The following FAM76A variants were observed in gnomAD, a reference collection of about 807,000 sequenced individuals.
The protein encoded by FAM76A is family with sequence similarity 76 member A.
FAM76A carries 32 observed loss-of-function variants against 46.2 expected under a neutral mutation model. That is an observed-to-expected ratio of 0.69 (90% CI 0.52 to 0.93). The LOEUF (loss-of-function observed/expected upper bound fraction) is 0.93, where lower values mean the gene tolerates loss of function less well. FAM76A is among the 40% of genes least tolerant of loss of function. The pLI, the probability that FAM76A is intolerant of heterozygous loss-of-function variation, is 0.00. For missense variants in FAM76A, 274 were observed against 361.5 expected (o/e 0.76, Z 1.96); for synonymous variants, 137 against 127.0 (o/e 1.08, Z -0.53).
rs201384680 is a variant in FAM76A at position 27,744,612 on chromosome 1, G to A, written c.355-42G>A. The stretch of plus-strand genomic sequence containing the variant: ...CCAATACCACGTTTGCAGCCACTGC[G>A]CTAAATTCCCTCTTCTTTATCTTTG... On this transcript the variant is annotated intron_variant, in intron 4 of 8. Coordinates refer to ENST00000373954, the MANE Select transcript of FAM76A (RefSeq NM_152660.3). The A allele has an allele frequency of 4.7e-5, 76 of 1,606,950 alleles. 1 individual carries two copies. The Middle Eastern group carries it at 6.8e-4, about 14-fold the overall frequency.
Position 27,755,344 on chromosome 1 carries a change from A to G in FAM76A, c.735+14A>G, listed in dbSNP as rs2088392683. On this transcript the variant is annotated intron_variant, in intron 7 of 8. Coordinates refer to ENST00000373954, the MANE Select transcript of FAM76A (RefSeq NM_152660.3). ...AAAGAGAAGAAGGTATGGTTTAGTT[A>G]ATTCCTCTCTGACCAGAATGATGCG... The G allele has an allele frequency of 6.2e-7, 1 of 1,613,740 alleles. No individual in the cohort carries two copies. Among genetic ancestry groups the G allele is most frequent in the South Asian group, 1.1e-5 (1 of 91,072 alleles).
At chr1:27,726,229 G>A in intron 1 of FAM76A, 68 bp downstream of exon 1, 1 of 1,211,554 alleles carries the variant, frequency 8.3e-7, no homozygotes, top group African/African-American at 1.6e-5. Context: ...TCCAGATTCT[G>A]TGGGGACGCC....
intron 4 of FAM76A, chr1:27,740,606 C>CA (rs2088135193): frequency 4.0e-6 from 3 of 754,862 alleles, no homozygotes; most frequent in Non-Finnish European, 6.6e-6. Context: ...AGAAGCCACT[C>CA]AAAAACATTC....
intron 2 of FAM76A, among the ~76,000 whole-genome samples, chr1:27,728,210 C>G (rs1457714080): frequency 6.6e-6 from 1 of 152,002 alleles, no homozygotes; most frequent in Non-Finnish European, 1.5e-5. Context: ...AAACATGAGC[C>G]TCATGTTTCA....
rs774613464 is a variant in FAM76A, at chr1:27,759,594, G to A, written c.804G>A (p.Glu268=). 1.9e-6 allele frequency: 3 copies of A among 1,613,740 alleles called. No individual in the cohort carries two copies. The Admixed American group carries it at 5.0e-5, about 27-fold the overall frequency. ...TGAGAGCCAAAATGAACCAGATGGA[G>A]AAAACCCACAAAGAAGTCACAGAAC... ...SQMRAKMNQM[E]KTHKEVTEQL... is the part of the protein sequence containing the mutation. Residue 268 remains glutamate (E), a synonymous_variant, in exon 8 of 9, where the codon GAG becomes GAA. Coordinates refer to ENST00000373954, the MANE Select transcript of FAM76A (RefSeq NM_152660.3).
chr1:27,755,151 T>G (rs904115582), intron 6 of FAM76A, 44 bp from the exon 7 acceptor site: 2 of 1,608,870 alleles, frequency 1.2e-6, no homozygotes, highest in Admixed American at 1.7e-5. Flanking sequence ...GAGAAAAGTT[T>G]ATCCATCCAA....
At chr1:27,729,912 A>G (rs1433858880) in intron 2 of FAM76A, among the ~76,000 whole-genome samples, 1 of 152,146 alleles carries the variant, frequency 6.6e-6, no homozygotes, top group East Asian at 1.9e-4. Context: ...GCCCCATCCT[A>G]GACAATCCCC....
chr1:27,754,993 C>T (rs944351721), intron 6 of FAM76A, among the ~76,000 whole-genome samples: 3 of 152,084 alleles, frequency 2.0e-5, no homozygotes, highest in Non-Finnish European at 2.9e-5. Flanking sequence ...GGCTTTGGTT[C>T]GTAGAGTTAT....
At chr1:27,754,194 C>T (rs2088375065) in intron 6 of FAM76A, among the ~76,000 whole-genome samples, 1 of 150,968 alleles carries the variant, frequency 6.6e-6, no homozygotes, top group African/African-American at 2.4e-5. Flanking sequence ...GCAACCTCCG[C>T]CTCCCAGGTT....
At chr1:27,728,845 T>C (rs2087905965) in intron 2 of FAM76A, among the ~76,000 whole-genome samples, 1 of 151,944 alleles carries the variant, frequency 6.6e-6, no homozygotes, top group South Asian at 2.1e-4. Flanking sequence ...ACACCTGTAG[T>C]CCCAGCTACT....
At chr1:27,752,949 C>T (rs1488854013) in intron 6 of FAM76A, among the ~76,000 whole-genome samples, 2 of 152,096 alleles carry the variant, frequency 1.3e-5, no homozygotes, top group East Asian at 1.9e-4. Context: ...CACCTGAGGT[C>T]GGGAGTTCGA....
chr1:27,740,981 G>A (rs987888192), intron 4 of FAM76A, among the ~76,000 whole-genome samples: 3 of 151,792 alleles, frequency 2.0e-5, no homozygotes, highest in Non-Finnish European at 2.9e-5. Context: ...AAAATTAGCC[G>A]GGCGTGGTGG....
chr1:27,762,587 T>C lies in FAM76A; in HGVS notation c.*2006T>C. ...GATACAGTGGACCATGTCGCTTATA[T>C]ATCACCCTACTAGGGGATATAATTT... On this transcript the variant is annotated 3_prime_UTR_variant, in exon 9 of 9. Coordinates refer to ENST00000373954, the MANE Select transcript of FAM76A (RefSeq NM_152660.3). The C allele has an allele frequency of 6.6e-6, 1 of 152,184 alleles. No homozygotes were observed. The highest frequency in any genetic ancestry group is 1.9e-4 in the East Asian group (1 of 5,200). The allele number at this position is 152,184 out of a possible 1,614,324, so 9.4% of individuals were successfully genotyped here. A position where few individuals can be genotyped will look rare whatever the true frequency, so the allele number is the denominator to read the frequency against.
chr1:27,749,521 A>G (rs746144972), intron 6 of FAM76A, among the ~76,000 whole-genome samples: 1 of 152,156 alleles, frequency 6.6e-6, no homozygotes, highest in Admixed American at 6.5e-5. Flanking sequence ...GGGCACCACC[A>G]TGTCCAGCTA....
At chr1:27,758,798 A>G (rs144036796) in intron 7 of FAM76A, among the ~76,000 whole-genome samples, 2 of 150,696 alleles carry the variant, frequency 1.3e-5, no homozygotes, top group African/African-American at 2.4e-5. Context: ...GATTACAGGC[A>G]TGAGCCACCA....
Position 27,761,117 on chromosome 1 carries a change from A to G in FAM76A, c.*536A>G, listed in dbSNP as rs1025900077. On this transcript the variant is annotated 3_prime_UTR_variant, in exon 9 of 9. Transcript: ENST00000373954. Reference sequence around the variant, plus strand: ...CAATAAACCTTTTGCTTCAGGGTATACTCTTCGGTTTTTTTCCAGATGTAT... The same window carrying G: ...CAATAAACCTTTTGCTTCAGGGTATGCTCTTCGGTTTTTTTCCAGATGTAT... The G allele has an allele frequency of 6.7e-6, 1 of 150,098 alleles. No homozygotes were observed. The highest frequency in any genetic ancestry group is 1.5e-5 in the Non-Finnish European group (1 of 67,496). The allele number at this position is 150,098 out of a possible 1,614,324, so 9.3% of individuals were successfully genotyped here.
intron 2 of FAM76A, among the ~76,000 whole-genome samples, chr1:27,730,537 A>G (rs1438853657): frequency 6.6e-6 from 1 of 152,056 alleles, no homozygotes; most frequent in African/African-American, 2.4e-5. Context: ...ACATATGTAT[A>G]TATTGACATC....
chr1:27,732,349 G>A (rs2087973403), intron 2 of FAM76A, among the ~76,000 whole-genome samples: 1 of 152,162 alleles, frequency 6.6e-6, no homozygotes, highest in South Asian at 2.1e-4. Flanking sequence ...AGAATCGCTT[G>A]AACTTGGGAG....
intron 4 of FAM76A, chr1:27,740,578 G>C: frequency 1.0e-6 from 1 of 972,888 alleles, no homozygotes; most frequent in South Asian, 1.3e-5. Context: ...TGATTGACTT[G>C]TTAAGAAATA....
Sources: allele counts gnomAD v4.1 joint callset (sites outside exome capture counted in the v4.1 genomes callset), GRCh38; gene constraint gnomAD v4.1.1; transcripts MANE v1.5; gene names NCBI Gene and HGNC (gene_info 2026-07-23, HGNC 2026-07-21).